The following PDE4D variants were observed in gnomAD, a reference collection of about 807,000 sequenced individuals.
PDE4D encodes the protein phosphodiesterase 4D.
PDE4D carries 24 observed loss-of-function variants against 87.4 expected under a neutral mutation model. The ratio of observed to expected loss-of-function variants is 0.27; its 90% CI spans 0.20 to 0.39. PDE4D has a LOEUF of 0.39. Among genes scored for constraint, PDE4D ranks in the 10% least tolerant of loss-of-function variants. The pLI is 1.00. For synonymous variants in PDE4D, 384 were observed against 383.2 expected (o/e 1.00, Z -0.02); for missense variants, 714 against 1,041.0 (o/e 0.69, Z 4.32).
intron 1 of PDE4D, among the ~76,000 whole-genome samples, chr5:59,716,676 C>G (rs1424849313): frequency 6.6e-6 from 1 of 152,164 alleles, no homozygotes; most frequent in Non-Finnish European, 1.5e-5. Flanking sequence ...TTTATTTATT[C>G]ATTTCACAAA....
chr5:59,451,021 T>C (rs1799075589), intron 1 of PDE4D, among the ~76,000 whole-genome samples: 1 of 152,198 alleles, frequency 6.6e-6, no homozygotes, highest in African/African-American at 2.4e-5. Context: ...AATAATTTTG[T>C]TTATATTCAC....
At chr5:59,225,799 A>AC (rs1753649529) in intron 1 of PDE4D, among the ~76,000 whole-genome samples, 2 of 151,352 alleles carry the variant, frequency 1.3e-5, no homozygotes, top group African/African-American at 4.9e-5. Context: ...TCAATAGCAA[A>AC]ACCCCCCCAA....
At chr5:60,370,277 C>T (rs1189331366) in intron 1 of PDE4D, among the ~76,000 whole-genome samples, 3 of 152,124 alleles carry the variant, frequency 2.0e-5, no homozygotes, top group Admixed American at 6.5e-5. Flanking sequence ...CACCCCCTTT[C>T]GTTCTTAAAA....
chr5:60,124,117 T>C (rs949559885), intron 2 of PDE4D, among the ~76,000 whole-genome samples: 1 of 152,200 alleles, frequency 6.6e-6, no homozygotes, highest in Non-Finnish European at 1.5e-5. Context: ...TGATTGGCCC[T>C]AGTCTATTTT....
intron 2 of PDE4D, among the ~76,000 whole-genome samples, chr5:60,077,550 G>C (rs1773443078): frequency 6.6e-6 from 1 of 152,142 alleles, no homozygotes; most frequent in South Asian, 2.1e-4. Flanking sequence ...CCCCTGGAGA[G>C]GCCAGCAGAC....
chr5:59,454,518 G>A (rs1799627264), intron 1 of PDE4D, among the ~76,000 whole-genome samples: 1 of 152,156 alleles, frequency 6.6e-6, no homozygotes, highest in African/African-American at 2.4e-5. Flanking sequence ...CTGTGGAATT[G>A]TAAGCCTATT....
intron 2 of PDE4D, among the ~76,000 whole-genome samples, chr5:60,138,080 A>G (rs928922600): frequency 6.6e-6 from 1 of 152,092 alleles, no homozygotes; most frequent in Non-Finnish European, 1.5e-5. Flanking sequence ...GGTTTGTCAA[A>G]GAACAGATGG....
chr5:59,349,841 C>T (rs918961365), intron 1 of PDE4D, among the ~76,000 whole-genome samples: 1 of 151,990 alleles, frequency 6.6e-6, no homozygotes, highest in African/African-American at 2.4e-5. Flanking sequence ...CTTATAAAAC[C>T]AATACCTTTA....
chr5:60,119,402 C>A (rs1255465067), intron 2 of PDE4D, among the ~76,000 whole-genome samples: 1 of 152,162 alleles, frequency 6.6e-6, no homozygotes, highest in Non-Finnish European at 1.5e-5. Context: ...TAACCAAAGG[C>A]TGGATATCTT....
chr5:59,341,447 T>C (rs1426163957), intron 1 of PDE4D, among the ~76,000 whole-genome samples: 1 of 152,204 alleles, frequency 6.6e-6, no homozygotes, highest in East Asian at 1.9e-4. Flanking sequence ...ATTTTTGTAA[T>C]TGTTTTACAA....
chr5:59,864,725 A>G (rs1746765920), intron 1 of PDE4D, among the ~76,000 whole-genome samples: 1 of 152,146 alleles, frequency 6.6e-6, no homozygotes, highest in Admixed American at 6.5e-5. Context: ...GACTGGCAGT[A>G]CCTTTCACCC....
At chr5:59,294,781 A>G (rs1768734598) in intron 1 of PDE4D, among the ~76,000 whole-genome samples, 1 of 152,232 alleles carries the variant, frequency 6.6e-6, no homozygotes, top group South Asian at 2.1e-4. Context: ...CAGCTGTTTT[A>G]CTATGATTCT....
chr5:59,539,383 C>T (rs1257346936), intron 1 of PDE4D, among the ~76,000 whole-genome samples: 1 of 152,038 alleles, frequency 6.6e-6, no homozygotes, highest in Non-Finnish European at 1.5e-5. Flanking sequence ...CCCACCCTAC[C>T]CCCCAAAAAA....
At chr5:59,528,951 G>A (rs186907378) in intron 1 of PDE4D, 1 of 435,286 alleles carries the variant, frequency 2.3e-6, no homozygotes, top group Non-Finnish European at 4.6e-6. Context: ...TGGAAGGCTG[G>A]CAGATGCAAG....
chr5:59,261,206 C>T lies in PDE4D; in HGVS notation c.456-45238G>A, dbSNP rs149317865. ...AAGGGCAGGCCTTTTAACTGAACTA[C>T]ACTAGGACATAAATGCCATTTCCTT... is the stretch of plus-strand genomic sequence containing the variant. On this transcript the variant is annotated intron_variant, in intron 1 of 14. Transcript: ENST00000340635. Among the ~76,000 whole-genome samples the T allele has an allele frequency of 2.4e-3, 365 of 151,938 alleles. 2 individuals are homozygous for T. The highest frequency in any genetic ancestry group is 8.6e-3 in the African/African-American group (357 of 41,526).
At chr5:59,862,732 T>TA (rs1274658407) in intron 1 of PDE4D, among the ~76,000 whole-genome samples, 1 of 152,142 alleles carries the variant, frequency 6.6e-6, no homozygotes, top group Non-Finnish European at 1.5e-5. Context: ...AACTAGCAGA[T>TA]TTTTTTTCCT....
chr5:59,569,408 C>T (rs868138217), intron 1 of PDE4D, among the ~76,000 whole-genome samples: 1 of 151,978 alleles, frequency 6.6e-6, no homozygotes, highest in Non-Finnish European at 1.5e-5. Context: ...TACCTTTGTC[C>T]TAAGATACAA....
chr5:60,501,875 C>T (rs35381), intron 1 of PDE4D, among the ~76,000 whole-genome samples: 103,349 of 151,512 alleles, frequency 0.68, 36,808 homozygotes, highest in African/African-American at 0.9. Context: ...TAAATTTGTT[C>T]GAGTTCATTG....
chr5:60,004,952 G>T (rs1316543566), intron 2 of PDE4D, among the ~76,000 whole-genome samples: 1 of 152,102 alleles, frequency 6.6e-6, no homozygotes. Context: ...TAATGTTTGG[G>T]TATATATCCA....
Sources: gnomAD v4.1 joint callset for allele counts (sites outside exome capture counted in the v4.1 genomes callset) on GRCh38, gnomAD v4.1.1 for gene constraint, MANE v1.5 for transcripts, NCBI Gene and HGNC (gene_info 2026-07-23, HGNC 2026-07-21) for gene names.